The following WDR5 variants were observed in gnomAD, a reference collection of about 807,000 sequenced individuals.
WDR5 encodes the protein WD repeat-containing protein 5.
For synonymous variants in WDR5, 144 were observed against 161.6 expected, an observed-to-expected ratio of 0.89 and a Z score of 0.83; for missense variants, 187 against 416.9, an observed-to-expected ratio of 0.45 and a Z score of 4.80.
intron 2 of WDR5, among the ~76,000 whole-genome samples, chr9:134,140,374 C>T (rs575453127): frequency 6.6e-6 from 1 of 152,086 alleles, no homozygotes; most frequent in South Asian, 2.1e-4. Context: ...TGGGGGCCTC[C>T]TGTGCTGTAG....
intron 7 of WDR5, among the ~76,000 whole-genome samples, chr9:134,147,642 T>C (rs1312792578): frequency 6.6e-6 from 1 of 152,132 alleles, no homozygotes; most frequent in African/African-American, 2.4e-5. Context: ...GGCTTCCTTG[T>C]GTGGCTTGAT....
At chr9:134,140,608 T>G in intron 2 of WDR5, 95 bp from the exon 3 acceptor site, 1 of 1,005,252 alleles carries the variant, frequency 9.9e-7, no homozygotes, top group Non-Finnish European at 1.6e-6. Context: ...TCTAAAGATC[T>G]GAGCTGAAAT....
Position 134,154,438 on chromosome 9 carries a change from G to A in WDR5, c.632-28G>A, listed in dbSNP as rs778268312. The A allele has an allele frequency of 6.3e-5, 102 of 1,613,180 alleles. 1 individual carries two copies. The highest frequency in any genetic ancestry group is 5.2e-4 in the Admixed American group (31 of 59,992). On this transcript the variant is annotated intron_variant, in intron 9 of 13. Coordinates refer to ENST00000358625, the MANE Select transcript of WDR5 (RefSeq NM_017588.3). ...CCCTGCCTGGCTGTCAGCGCCCGCC[G>A]TGTGTCACCTGTCCGTTTTTATTGC...
intron 8 of WDR5, among the ~76,000 whole-genome samples, chr9:134,149,852 G>A (rs1832406835): frequency 6.6e-6 from 1 of 152,196 alleles, no homozygotes; most frequent in Non-Finnish European, 1.5e-5. Flanking sequence ...AGAAGCCTCC[G>A]TCCAGCCTGA....
intron 7 of WDR5, among the ~76,000 whole-genome samples, chr9:134,147,624 T>C (rs1395246768): frequency 6.6e-6 from 1 of 152,182 alleles, no homozygotes; most frequent in Non-Finnish European, 1.5e-5. Context: ...CCCGAATCAT[T>C]AAACCACGGC....
At position 134,154,553 on chromosome 9, in the gene WDR5, G is replaced by A. The variant is rs1050012926; in HGVS notation, c.707+12G>A. ...GCCACGCTGGACAAGTGAGTACTGC[G>A]TGGGACTGTGGGGGCGGGCATGTGG... On this transcript the variant is annotated intron_variant, in intron 10 of 13. Transcript: ENST00000358625. The A allele has an allele frequency of 1.1e-5, 17 of 1,613,774 alleles. No individual in the cohort carries two copies. Among genetic ancestry groups the A allele is most frequent in the Admixed American group, 1.0e-4 (6 of 59,990 alleles).
rs1176586749 is a variant in WDR5 at position 134,137,682 on chromosome 9, A to C, written c.-59+1482A>C. On this transcript the variant is annotated intron_variant, in intron 1 of 13. Transcript: ENST00000358625. ...GACTGTGTCTCAAAAAAAAAACAAA[A>C]ACAAAAAAAAAACACGCCAAGCCTA... Among the ~76,000 whole-genome samples, 31 of 129,768 alleles carry C rather than the reference A, an allele frequency of 2.4e-4. 1 individual carries two copies. In the East Asian group the frequency reaches 7.8e-3, roughly 33 times the overall value. The allele number at this position is 129,768 out of a possible 152,430, so 85.1% of individuals were successfully genotyped here.
chr9:134,143,205 A>G (rs1831987427), intron 7 of WDR5, among the ~76,000 whole-genome samples: 1 of 152,222 alleles, frequency 6.6e-6, no homozygotes, highest in African/African-American at 2.4e-5. Flanking sequence ...GGCCTTGCAC[A>G]GGGACACGTC....
chr9:134,155,385 C>T lies in WDR5; in HGVS notation c.741+12C>T, dbSNP rs1832700177. On this transcript the variant is annotated intron_variant, in intron 11 of 13. Coordinates refer to ENST00000358625, the MANE Select transcript of WDR5 (RefSeq NM_017588.3). ...ACAGCAAGGGGAAGGTGAGCCCCCG[C>T]AGGCTTGGGCCCCCATGGTGCACCA... 6.2e-7 allele frequency: 1 copy of T among 1,602,404 alleles called. No homozygotes were observed. Among genetic ancestry groups the T allele is most frequent in the Non-Finnish European group, 8.5e-7 (1 of 1,175,030 alleles).
chr9:134,138,066 A>C (rs1404595210), intron 1 of WDR5, among the ~76,000 whole-genome samples: 1 of 152,166 alleles, frequency 6.6e-6, no homozygotes, highest in Non-Finnish European at 1.5e-5. Context: ...AGTCAAGTTA[A>C]GGTTGTTTTG....
rs1461475827 is a variant in WDR5, at chr9:134,159,582, AGATGTAT to A, written c.*1590_*1596del. 2 of 152,028 alleles carry A rather than the reference AGATGTAT, an allele frequency of 1.3e-5. No homozygotes were observed. The highest frequency in any genetic ancestry group is 2.9e-5 in the Non-Finnish European group (2 of 68,024). 9.4% of individuals were successfully genotyped at this position (152,028 alleles called of 1,614,324 possible). Reference sequence around the variant, plus strand: ...GGAGGGGATTATCTGAGGCATCTGGAGATGTATATCCTGTGGTTTCCCCTGCCCCTCT... The same window carrying A: ...GGAGGGGATTATCTGAGGCATCTGGAATCCTGTGGTTTCCCCTGCCCCTCT... On this transcript the variant is annotated 3_prime_UTR_variant, in exon 14 of 14. Coordinates refer to ENST00000358625, the MANE Select transcript of WDR5 (RefSeq NM_017588.3). The surrounding 1 kb of genome is among the most constrained non-coding windows in gnomAD (Gnocchi z 4.3).
At chr9:134,137,676 AAC>A (rs1235754114) in intron 1 of WDR5, among the ~76,000 whole-genome samples, 1 of 141,218 alleles carries the variant, frequency 7.1e-6, no homozygotes. Flanking sequence ...TCAAAAAAAA[AAC>A]AAAAACAAAA....
chr9:134,144,689 A>G (rs1832078601), intron 7 of WDR5, among the ~76,000 whole-genome samples: 1 of 151,874 alleles, frequency 6.6e-6, no homozygotes, highest in Admixed American at 6.6e-5. Context: ...AAAAAGCAAA[A>G]ATTAGCCGGG....
intron 7 of WDR5, among the ~76,000 whole-genome samples, chr9:134,145,489 A>T (rs1832146742): frequency 6.6e-6 from 1 of 152,202 alleles, no homozygotes; most frequent in South Asian, 2.1e-4. Flanking sequence ...GTCGCCTCTC[A>T]GTGAGTGCTT....
At chr9:134,140,120 G>C (rs72766679) in intron 2 of WDR5, among the ~76,000 whole-genome samples, 162 bp downstream of exon 2, 16,344 of 152,246 alleles carry the variant, frequency 0.11, 1,616 homozygotes, top group African/African-American at 0.27. Flanking sequence ...GTTGCCTGCT[G>C]TGTCAGGGAT....
chr9:134,143,736 C>T (rs1478906506), intron 7 of WDR5, among the ~76,000 whole-genome samples: 2 of 151,556 alleles, frequency 1.3e-5, no homozygotes, highest in Non-Finnish European at 2.9e-5. Context: ...ACCGTGGTTT[C>T]GATCTCCTGA....
At chr9:134,143,281 C>T (rs1254495394) in intron 7 of WDR5, among the ~76,000 whole-genome samples, 2 of 152,208 alleles carry the variant, frequency 1.3e-5, no homozygotes, top group African/African-American at 4.8e-5. Flanking sequence ...CGGCTCACGC[C>T]TGCAATCCCA....
intron 2 of WDR5, among the ~76,000 whole-genome samples, chr9:134,140,451 C>T (rs1003864398): frequency 5.3e-5 from 8 of 152,056 alleles, no homozygotes; most frequent in Admixed American, 2.0e-4. Context: ...GTTTCTGGCT[C>T]GGCTGGTGCT....
intron 1 of WDR5, among the ~76,000 whole-genome samples, chr9:134,136,820 C>T (rs766283252): frequency 2.0e-5 from 3 of 152,206 alleles, no homozygotes; most frequent in African/African-American, 4.8e-5. Context: ...CGGCCTGTTA[C>T]ATCGCTAACG....
Sources: gnomAD v4.1 joint callset for allele counts (sites outside exome capture counted in the v4.1 genomes callset) on GRCh38, gnomAD v4.1.1 for gene constraint, Gnocchi (gnomAD v3.1) non-coding constraint, MANE v1.5 for transcripts, NCBI Gene and HGNC (gene_info 2026-07-23, HGNC 2026-07-21) for gene names.